Variants in DIP2B observed in about 807,000 individuals in gnomAD.
DIP2B encodes DIP2 acetate--CoA ligase B (putative), also known as disco-interacting protein 2 homolog B.
A neutral mutation model predicts 198.0 loss-of-function variants in DIP2B; 76 were observed. The ratio of observed to expected loss-of-function variants is 0.38; its 90% CI spans 0.32 to 0.46. The LOEUF (loss-of-function observed/expected upper bound fraction) is 0.46. DIP2B is among the 20% of genes least tolerant of loss of function. The probability of loss-of-function intolerance (pLI) is 0.99; values close to 1 mark genes in which losing one functional copy is unlikely to be tolerated. For synonymous variants in DIP2B, 701 were observed against 739.1 expected (o/e 0.95, Z 0.84); for missense variants, 1,559 against 1,978.4 (o/e 0.79, Z 4.02).
intron 36 of DIP2B, among the ~76,000 whole-genome samples, chr12:50,740,688 A>G (rs921308114): frequency 6.6e-6 from 1 of 152,206 alleles, no homozygotes; most frequent in African/African-American, 2.4e-5. Context: ...AATTACTGCA[A>G]AATAATCTTC....
At chr12:50,711,288 T>A (rs901595547) in intron 22 of DIP2B, among the ~76,000 whole-genome samples, 7 of 152,194 alleles carry the variant, frequency 4.6e-5, no homozygotes, top group Non-Finnish European at 1.0e-4. Context: ...GTTGTTGAAT[T>A]CCAGGTCCGT....
chr12:50,598,280 A>G (rs1843008918), intron 1 of DIP2B, among the ~76,000 whole-genome samples: 2 of 152,168 alleles, frequency 1.3e-5, no homozygotes, highest in South Asian at 4.1e-4. Flanking sequence ...CTTCATCACA[A>G]GATGTGGCCT....
chr12:50,557,141 C>T (rs1035600226), intron 1 of DIP2B, among the ~76,000 whole-genome samples: 14 of 152,082 alleles, frequency 9.2e-5, no homozygotes, highest in African/African-American at 2.4e-4. Context: ...GCCACCTGGT[C>T]GGTATTGTGA....
intron 23 of DIP2B, among the ~76,000 whole-genome samples, chr12:50,717,065 C>G (rs1361031844): frequency 6.8e-6 from 1 of 147,054 alleles, no homozygotes; most frequent in Non-Finnish European, 1.5e-5. Flanking sequence ...AGGATCCAAC[C>G]ACTTGAGTAC....
chr12:50,693,619 G>A (rs1242249941), intron 14 of DIP2B, among the ~76,000 whole-genome samples: 1 of 152,096 alleles, frequency 6.6e-6, no homozygotes, highest in African/African-American at 2.4e-5. Flanking sequence ...CAGAACCCTC[G>A]AAATCTTCAG....
At chr12:50,601,434 T>C (rs1415346235) in intron 1 of DIP2B, among the ~76,000 whole-genome samples, 1 of 151,912 alleles carries the variant, frequency 6.6e-6, no homozygotes, top group Non-Finnish European at 1.5e-5. Context: ...AAGCTCCGCC[T>C]CCCAGGTTCA....
intron 14 of DIP2B, among the ~76,000 whole-genome samples, chr12:50,694,558 T>C (rs185004409): frequency 3.8e-5 from 5 of 131,844 alleles, no homozygotes; most frequent in African/African-American, 5.5e-5. Flanking sequence ...CATACATACA[T>C]ACACCAGTCC....
At chr12:50,588,715 C>T (rs1263271636) in intron 1 of DIP2B, among the ~76,000 whole-genome samples, 1 of 152,010 alleles carries the variant, frequency 6.6e-6, no homozygotes, top group African/African-American at 2.4e-5. Flanking sequence ...ATTTACAGCC[C>T]CTACTGCCTA....
chr12:50,745,081 A>G lies in DIP2B; in HGVS notation c.*242A>G. ...GACATAGCGTGAGCAGCACATTACT[A>G]AAGCAATTACATGCATGTTGCATTT... On this transcript the variant is annotated 3_prime_UTR_variant, in exon 38 of 38. Transcript: ENST00000301180. 2.0e-6 allele frequency: 1 copy of G among 510,238 alleles called. No homozygotes were observed. Among genetic ancestry groups the G allele is most frequent in the South Asian group, 2.5e-5 (1 of 40,080 alleles). 31.6% of individuals were successfully genotyped at this position (510,238 alleles called of 1,614,324 possible). A position where few individuals can be genotyped will look rare whatever the true frequency, so the allele number is the denominator to read the frequency against.
rs59419587 is a variant in DIP2B at position 50,694,504 on chromosome 12, AATACATACATACATACATACATAC to A, written c.1720-729_1720-706del. Reference sequence around the variant, plus strand: ...AGCAGGACTCTGTCTCAGATAAATAAATACATACATACATACATACATACATACATACATACATACATACATACA... The same window carrying A: ...AGCAGGACTCTGTCTCAGATAAATAAATACATACATACATACATACATACA... On this transcript the variant is annotated intron_variant, in intron 14 of 37. Transcript: ENST00000301180. 5.5e-3 allele frequency among the ~76,000 whole-genome samples: 788 copies of A among 143,730 alleles called. 4 individuals carry two copies. The highest frequency in any genetic ancestry group is 7.3e-3 in the Non-Finnish European group (488 of 66,660). 94.3% of individuals were successfully genotyped at this position (143,730 alleles called of 152,430 possible). A position where few individuals can be genotyped will look rare whatever the true frequency, so the allele number is the denominator to read the frequency against.
chr12:50,530,433 G>A (rs1958206560), intron 1 of DIP2B, among the ~76,000 whole-genome samples: 3 of 152,172 alleles, frequency 2.0e-5, no homozygotes, highest in Non-Finnish European at 1.5e-5. Flanking sequence ...TTTGGGAAGA[G>A]CATTCATGGG....
chr12:50,716,488 AC>A (rs1436618036), intron 23 of DIP2B, among the ~76,000 whole-genome samples: 1 of 152,162 alleles, frequency 6.6e-6, no homozygotes, highest in Admixed American at 6.6e-5. Flanking sequence ...AGATTGTGCC[AC>A]TGCACTCCAG....
Position 50,505,163 on chromosome 12 carries a change from C to T in DIP2B, c.23C>T (p.Pro8Leu). The change falls in exon 1 of 38, where the codon CCG (proline) becomes CTG (leucine). Residue 8 changes from proline (P) to leucine (L), a missense_variant. Transcript: ENST00000301180. MAERGLE[P>L]SPAAVAALPP... ...GGGATGGCGGAACGAGGCCTGGAGCCGTCGCCGGCCGCGGTGGCGGCGCTG... is the reference window on the plus strand; with the variant it reads ...GGGATGGCGGAACGAGGCCTGGAGCTGTCGCCGGCCGCGGTGGCGGCGCTG... 14 of 1,526,744 alleles carry T rather than the reference C, an allele frequency of 9.2e-6. No individual in the cohort carries two copies. Among genetic ancestry groups the T allele is most frequent in the Non-Finnish European group, 1.2e-5 (14 of 1,142,448 alleles). The allele number at this position is 1,526,744 out of a possible 1,614,324, so 94.6% of individuals were successfully genotyped here. A position where few individuals can be genotyped will look rare whatever the true frequency, so the allele number is the denominator to read the frequency against.
rs190347390 is a variant in DIP2B, at chr12:50,552,359, C to T, written c.100+47119C>T. Among the ~76,000 whole-genome samples, 22 of 151,922 alleles carry T rather than the reference C, an allele frequency of 1.4e-4. No individual in the cohort carries two copies. The South Asian group carries it at 2.3e-3, about 16-fold the overall frequency. On this transcript the variant is annotated intron_variant, in intron 1 of 37. Coordinates refer to ENST00000301180, the MANE Select transcript of DIP2B (RefSeq NM_173602.3). Reference sequence around the variant, plus strand: ...CTCTGCTCACTGCAAGCTCCCCTCCCGGGTTCATGCCATTCTCCTGCCTCA... The same window carrying T: ...CTCTGCTCACTGCAAGCTCCCCTCCTGGGTTCATGCCATTCTCCTGCCTCA...
chr12:50,675,303 T>C (rs1054332131), intron 6 of DIP2B, 26 bp from the exon 7 acceptor site: 10 of 1,606,614 alleles, frequency 6.2e-6, no homozygotes, highest in Non-Finnish European at 8.5e-6. Context: ...CAATGAATTT[T>C]AACTTAACCA....
At chr12:50,537,520 A>G (rs976532465) in intron 1 of DIP2B, among the ~76,000 whole-genome samples, 8 of 152,094 alleles carry the variant, frequency 5.3e-5, no homozygotes, top group African/African-American at 9.7e-5. Flanking sequence ...GTTGGAGTCT[A>G]TGACAATGTG....
At chr12:50,606,805 G>GTT (rs766361752) in intron 1 of DIP2B, among the ~76,000 whole-genome samples, 5 of 141,042 alleles carry the variant, frequency 3.5e-5, no homozygotes, top group Non-Finnish European at 6.2e-5. Flanking sequence ...TTCTTTTTCT[G>GTT]TTTTTTTTTT....
chr12:50,690,376 G>A (rs1015726285), intron 12 of DIP2B, among the ~76,000 whole-genome samples: 5 of 152,238 alleles, frequency 3.3e-5, no homozygotes, highest in Middle Eastern at 3.4e-3. Flanking sequence ...GTGAGCCACC[G>A]CACCCAGCCA....
At chr12:50,550,049 T>C (rs1958414147) in intron 1 of DIP2B, among the ~76,000 whole-genome samples, 1 of 152,192 alleles carries the variant, frequency 6.6e-6, no homozygotes, top group Non-Finnish European at 1.5e-5. Flanking sequence ...AATCTGAGCC[T>C]TGAGTATTCC....
Sources: allele counts gnomAD v4.1 joint callset (sites outside exome capture counted in the v4.1 genomes callset), GRCh38; gene constraint gnomAD v4.1.1; transcripts MANE v1.5; gene names NCBI Gene and HGNC (gene_info 2026-07-23, HGNC 2026-07-21).